The following HHAT variants were observed in gnomAD, a reference collection of about 807,000 sequenced individuals.
HHAT encodes the protein hedgehog acyltransferase, also known as protein-cysteine N-palmitoyltransferase HHAT.
Under a neutral mutation model 70.8 loss-of-function variants are expected in HHAT, and 47 were observed. That is an observed-to-expected ratio of 0.66 (90% CI 0.53 to 0.85). The LOEUF (loss-of-function observed/expected upper bound fraction) is 0.85, where lower values mean the gene tolerates loss of function less well. HHAT is among the 40% of genes least tolerant of loss of function. HHAT has a pLI of 0.00. For synonymous variants in HHAT, 228 were observed against 247.6 expected (o/e 0.92, Z 0.74); for missense variants, 609 against 604.8 (o/e 1.01, Z -0.07).
chr1:210,432,974 G>A (rs145548490), intron 7 of HHAT, among the ~76,000 whole-genome samples: 8 of 151,790 alleles, frequency 5.3e-5, no homozygotes, highest in Non-Finnish European at 8.8e-5. Flanking sequence ...TTAACCTCTC[G>A]ATGGCAGGGC....
chr1:210,623,573 T>A lies in HHAT; in HGVS notation c.1293T>A (p.Leu431=), dbSNP rs1253937331. Residue 431 remains leucine (L), a synonymous_variant, in exon 11 of 12, where the codon CTT becomes CTA. Coordinates refer to ENST00000261458, the MANE Select transcript of HHAT (RefSeq NM_018194.6). ...CTCGCCGTCGATTCCACGCTGCCCT[T>A]GCTTCTTGTTCCACCTCGATGCTGA... is the stretch of plus-strand genomic sequence containing the variant. ...PQARRRFHAA[L]ASCSTSMLIL... 6.2e-7 allele frequency: 1 copy of A among 1,614,098 alleles called. No homozygotes were observed. Among genetic ancestry groups the A allele is most frequent in the Non-Finnish European group, 8.5e-7 (1 of 1,179,992 alleles).
At chr1:210,381,437 C>T (rs2090627686) in intron 3 of HHAT, among the ~76,000 whole-genome samples, 1 of 152,072 alleles carries the variant, frequency 6.6e-6, no homozygotes, top group Non-Finnish European at 1.5e-5. Context: ...TGCGCCAGCA[C>T]TCCCAGCTAA....
intron 8 of HHAT, among the ~76,000 whole-genome samples, chr1:210,494,081 G>A (rs2094593414): frequency 6.6e-6 from 1 of 152,164 alleles, no homozygotes; most frequent in South Asian, 2.1e-4. Context: ...GATTCATTGA[G>A]CTCACTCTTG....
intron 3 of HHAT, among the ~76,000 whole-genome samples, chr1:210,372,004 T>C (rs746113384): frequency 5.9e-5 from 9 of 152,194 alleles, no homozygotes; most frequent in Non-Finnish European, 1.3e-4. Context: ...GTTGTGATAA[T>C]GCTGTGGGTT....
At chr1:210,391,469 T>C (rs1028792232) in intron 4 of HHAT, among the ~76,000 whole-genome samples, 7 of 151,900 alleles carry the variant, frequency 4.6e-5, no homozygotes, top group Non-Finnish European at 8.8e-5. Flanking sequence ...AATGACACAA[T>C]AGAAAAGTGG....
chr1:210,561,500 G>A (rs1374626524), intron 9 of HHAT, among the ~76,000 whole-genome samples: 1 of 152,090 alleles, frequency 6.6e-6, no homozygotes, highest in African/African-American at 2.4e-5. Context: ...TCATATCATA[G>A]GTTTACGTGT....
At chr1:210,350,737 CT>C (rs2086946495) in intron 2 of HHAT, among the ~76,000 whole-genome samples, 1 of 151,900 alleles carries the variant, frequency 6.6e-6, no homozygotes, top group South Asian at 2.1e-4. Flanking sequence ...TCTTATATAC[CT>C]TTTCTTTTTT....
At chr1:210,408,595 G>A (rs1382348835) in intron 6 of HHAT, among the ~76,000 whole-genome samples, 1 of 152,138 alleles carries the variant, frequency 6.6e-6, no homozygotes, top group African/African-American at 2.4e-5. Context: ...CAGCAGCAGG[G>A]GACTCTGGGC....
intron 7 of HHAT, among the ~76,000 whole-genome samples, chr1:210,461,161 C>CTT (rs140163990): frequency 4.3e-4 from 65 of 152,302 alleles, no homozygotes; most frequent in African/African-American, 1.5e-3. Flanking sequence ...CATTTATAGT[C>CTT]TTATGTTGCC....
chr1:210,392,844 T>C (rs769080182), intron 4 of HHAT, among the ~76,000 whole-genome samples: 1 of 152,154 alleles, frequency 6.6e-6, no homozygotes, highest in Non-Finnish European at 1.5e-5. Context: ...ATGACTGATA[T>C]TAATAACCTG....
chr1:210,566,293 A>G (rs546617576), intron 9 of HHAT, among the ~76,000 whole-genome samples: 2 of 152,292 alleles, frequency 1.3e-5, no homozygotes, highest in South Asian at 2.1e-4. Context: ...TAGGTTATCT[A>G]TATTCAATAT....
At chr1:210,387,610 A>C (rs776540850) in intron 4 of HHAT, 29 bp downstream of exon 4, 1 of 1,549,898 alleles carries the variant, frequency 6.5e-7, no homozygotes, top group African/African-American at 1.4e-5. Context: ...TTACCTTTTA[A>C]GTGTGTTTTT....
intron 9 of HHAT, among the ~76,000 whole-genome samples, chr1:210,564,426 C>G (rs1388782692): frequency 6.6e-6 from 1 of 152,022 alleles, no homozygotes; most frequent in Non-Finnish European, 1.5e-5. Context: ...ACAGAGAGCT[C>G]CATTGGAGCC....
At chr1:210,561,983 T>C (rs571032799) in intron 9 of HHAT, among the ~76,000 whole-genome samples, 65 of 152,164 alleles carry the variant, frequency 4.3e-4, no homozygotes, top group Non-Finnish European at 7.2e-4. Context: ...ATAGTAGATG[T>C]TGAGTTAAAT....
intron 3 of HHAT, among the ~76,000 whole-genome samples, chr1:210,384,739 T>G (rs2090911464): frequency 1.3e-5 from 2 of 152,004 alleles, no homozygotes; most frequent in Non-Finnish European, 2.9e-5. Flanking sequence ...AGAAAGAAAA[T>G]GGGGGAAGGG....
At chr1:210,665,263 T>A (rs963699167) in intron 11 of HHAT, among the ~76,000 whole-genome samples, 3 of 152,260 alleles carry the variant, frequency 2.0e-5, no homozygotes, top group African/African-American at 7.2e-5. Flanking sequence ...TCCAACCTAA[T>A]ATATCCTTCA....
At chr1:210,605,302 T>C (rs1460137187) in intron 10 of HHAT, among the ~76,000 whole-genome samples, 1 of 151,852 alleles carries the variant, frequency 6.6e-6, no homozygotes, top group Non-Finnish European at 1.5e-5. Context: ...AGGGAGGGAG[T>C]CAAACCCAGT....
intron 8 of HHAT, among the ~76,000 whole-genome samples, chr1:210,476,506 A>G (rs142856619): frequency 2.6e-5 from 4 of 152,162 alleles, no homozygotes; most frequent in African/African-American, 7.2e-5. Flanking sequence ...CTTACTGGCA[A>G]TAGTGCAGAA....
intron 11 of HHAT, among the ~76,000 whole-genome samples, chr1:210,669,907 G>A (rs1679743306): frequency 6.6e-6 from 1 of 152,160 alleles, no homozygotes; most frequent in Admixed American, 6.5e-5. Context: ...ATGCCTTGTG[G>A]GAAGAATGGG....
Sources: gnomAD v4.1 joint callset for allele counts (sites outside exome capture counted in the v4.1 genomes callset) on GRCh38, gnomAD v4.1.1 for gene constraint, MANE v1.5 for transcripts, NCBI Gene and HGNC (gene_info 2026-07-23, HGNC 2026-07-21) for gene names.